Variants in ROR1 observed in about 807,000 individuals in gnomAD.
The protein encoded by ROR1 is ROR family WNT receptor 1, also known as inactive tyrosine-protein kinase transmembrane receptor ROR1.
In ROR1, 19 loss-of-function variants were observed where a neutral mutation model predicts 78.8. That is an observed-to-expected ratio of 0.24 (90% confidence interval 0.17 to 0.35). ROR1 has a LOEUF of 0.35. ROR1 is among the 10% of genes least tolerant of loss of function. ROR1 has a pLI of 1.00. For missense variants in ROR1, 917 were observed against 1,177.8 expected, an observed-to-expected ratio of 0.78 and a Z score of 3.24; for synonymous variants, 386 against 433.6, an observed-to-expected ratio of 0.89 and a Z score of 1.36.
intron 1 of ROR1, among the ~76,000 whole-genome samples, chr1:63,918,070 C>G (rs1386655002): frequency 1.3e-5 from 2 of 152,204 alleles, no homozygotes; most frequent in African/African-American, 2.4e-5. Context: ...GTCTAGTGCC[C>G]CCTTGAGGCC....
chr1:63,953,106 A>G (rs1645954010), intron 1 of ROR1, among the ~76,000 whole-genome samples: 1 of 152,174 alleles, frequency 6.6e-6, no homozygotes. Context: ...GCATTCACTC[A>G]TTCATCCATT....
chr1:64,128,758 C>G lies in ROR1; in HGVS notation c.483-8611C>G, dbSNP rs143115041. 1.2e-4 allele frequency among the ~76,000 whole-genome samples: 19 copies of G among 152,062 alleles called. No individual in the cohort carries two copies. In the East Asian group the frequency reaches 3.3e-3, roughly 26 times the overall value. On this transcript the variant is annotated intron_variant, in intron 4 of 8. Coordinates refer to ENST00000371079, the MANE Select transcript of ROR1 (RefSeq NM_005012.4). ...ATTGAATATATCAATACAGAGTATG[C>G]CTGATGAGACTAAATATTAACACAA...
At chr1:63,806,463 G>A (rs982902979) in intron 1 of ROR1, among the ~76,000 whole-genome samples, 61 of 151,974 alleles carry the variant, frequency 4.0e-4, no homozygotes, top group Non-Finnish European at 8.5e-4. Flanking sequence ...GACTACAGGT[G>A]CCCGCCACCA....
chr1:64,072,409 A>T (rs1269525357), intron 4 of ROR1, among the ~76,000 whole-genome samples: 1 of 152,084 alleles, frequency 6.6e-6, no homozygotes, highest in Non-Finnish European at 1.5e-5. Flanking sequence ...ATCAGTTCTC[A>T]CTGCAGTAGG....
At chr1:63,991,929 T>A (rs1646299416) in intron 1 of ROR1, among the ~76,000 whole-genome samples, 1 of 152,236 alleles carries the variant, frequency 6.6e-6, no homozygotes, top group South Asian at 2.1e-4. Flanking sequence ...ATTTCATGAT[T>A]CAGTGTGGAG....
chr1:63,850,465 T>C (rs1460732141), intron 1 of ROR1, among the ~76,000 whole-genome samples: 2 of 152,246 alleles, frequency 1.3e-5, no homozygotes, highest in Non-Finnish European at 2.9e-5. Flanking sequence ...CTTATGCCAG[T>C]GCGAGCTCCT....
In ROR1 at chr1:64,034,183, A is replaced by AT. The variant is rs35110436; in HGVS notation, c.164-15493dup. ...ATGTTCATGCACAATTTGCTTTTTC[A>AT]TTTTTTTTTTTTTTTATTATCCTGA... On this transcript the variant is annotated intron_variant, in intron 2 of 8. Coordinates refer to ENST00000371079, the MANE Select transcript of ROR1 (RefSeq NM_005012.4). Among the ~76,000 whole-genome samples, 226 of 144,104 alleles carry AT rather than the reference A, an allele frequency of 1.6e-3. 1 individual carries two copies. Among genetic ancestry groups the AT allele is most frequent in the African/African-American group, 2.6e-3 (102 of 38,838 alleles). 94.5% of individuals were successfully genotyped at this position (144,104 alleles called of 152,430 possible).
At chr1:64,014,144 G>T (rs536854400) in intron 2 of ROR1, among the ~76,000 whole-genome samples, 1 of 152,242 alleles carries the variant, frequency 6.6e-6, no homozygotes, top group African/African-American at 2.4e-5. Context: ...CCTCCTGTGG[G>T]GCAAGTTCCC....
chr1:63,957,339 G>T (rs1456616142), intron 1 of ROR1, among the ~76,000 whole-genome samples: 1 of 152,198 alleles, frequency 6.6e-6, no homozygotes, highest in African/African-American at 2.4e-5. Context: ...GGGAAGTAGG[G>T]TACATGCTCC....
chr1:64,128,433 C>A (rs1648794942), intron 4 of ROR1, among the ~76,000 whole-genome samples: 1 of 152,026 alleles, frequency 6.6e-6, no homozygotes, highest in Admixed American at 6.6e-5. Flanking sequence ...CTCACCACCG[C>A]ACTCCAGCCT....
chr1:63,984,889 C>G (rs940555809), intron 1 of ROR1, among the ~76,000 whole-genome samples: 6 of 152,158 alleles, frequency 3.9e-5, no homozygotes, highest in African/African-American at 7.2e-5. Flanking sequence ...TCCAACTAAT[C>G]GAAGCATTTC....
intron 1 of ROR1, among the ~76,000 whole-genome samples, chr1:63,982,857 A>G (rs1035802991): frequency 6.6e-6 from 1 of 152,072 alleles, no homozygotes; most frequent in Non-Finnish European, 1.5e-5. Flanking sequence ...GGTCTACTAG[A>G]TATATAACCT....
At chr1:63,820,848 A>T (rs1396050488) in intron 1 of ROR1, among the ~76,000 whole-genome samples, 1 of 152,220 alleles carries the variant, frequency 6.6e-6, no homozygotes, top group Non-Finnish European at 1.5e-5. Context: ...CAGATGAGGA[A>T]TGGAGAAGTT....
chr1:64,168,542 T>C (rs1285069797), intron 8 of ROR1, among the ~76,000 whole-genome samples: 1 of 152,208 alleles, frequency 6.6e-6, no homozygotes. Context: ...CTTCAGTATA[T>C]TGTATATACA....
At chr1:64,173,139 AT>A (rs1037134692) in intron 8 of ROR1, among the ~76,000 whole-genome samples, 1 of 151,964 alleles carries the variant, frequency 6.6e-6, no homozygotes, top group African/African-American at 2.4e-5. Context: ...AGCTAGGAGC[AT>A]TTTTTTTCTG....
chr1:63,886,383 GTTCTTAAGGTCCC>G (rs1354288915), intron 1 of ROR1, among the ~76,000 whole-genome samples: 2 of 152,196 alleles, frequency 1.3e-5, no homozygotes, highest in Non-Finnish European at 2.9e-5. Context: ...GCAATGCATG[GTTCTTAAGGTCCC>G]TTCTTAGCAC....
chr1:63,823,645 G>T (rs1349601660), intron 1 of ROR1, among the ~76,000 whole-genome samples: 1 of 151,728 alleles, frequency 6.6e-6, no homozygotes, highest in Non-Finnish European at 1.5e-5. Context: ...AGATAAGGGG[G>T]TCTTGCTATG....
intron 1 of ROR1, among the ~76,000 whole-genome samples, chr1:63,956,921 A>G (rs1043862336): frequency 1.3e-5 from 2 of 152,194 alleles, no homozygotes; most frequent in Non-Finnish European, 2.9e-5. Flanking sequence ...AAAATGTAGC[A>G]TCTATTTTAT....
chr1:63,891,952 A>G (rs954972817), intron 1 of ROR1, among the ~76,000 whole-genome samples: 2 of 152,158 alleles, frequency 1.3e-5, no homozygotes, highest in African/African-American at 2.4e-5. Flanking sequence ...CCCAACCCCC[A>G]TAATGAATTT....
Sources: gnomAD v4.1 joint callset for allele counts (sites outside exome capture counted in the v4.1 genomes callset) on GRCh38, gnomAD v4.1.1 for gene constraint, MANE v1.5 for transcripts, NCBI Gene and HGNC (gene_info 2026-07-23, HGNC 2026-07-21) for gene names.